TAF4B: variants seen among roughly 807,000 people sequenced by gnomAD.
TAF4B encodes transcription initiation factor TFIID subunit 4B.
A neutral mutation model predicts 86.4 loss-of-function variants in TAF4B; 38 were observed. The ratio of observed to expected loss-of-function variants is 0.44; its 90% CI spans 0.34 to 0.58. The LOEUF (loss-of-function observed/expected upper bound fraction) is 0.58. Among genes scored for constraint, TAF4B ranks in the 20% least tolerant of loss-of-function variants. TAF4B has a pLI of 0.02. For synonymous variants in TAF4B, 388 were observed against 391.2 expected, an observed-to-expected ratio of 0.99 and a Z score of 0.10; for missense variants, 988 against 1,027.6, an observed-to-expected ratio of 0.96 and a Z score of 0.53.
At chr18:26,256,434 C>T (rs558953507) in intron 1 of TAF4B, 1 of 803,386 alleles carries the variant, frequency 1.2e-6, no homozygotes, top group African/African-American at 1.7e-5. Flanking sequence ...GAGTGCACGC[C>T]AGGCCAGTCC....
At position 26,370,574 on chromosome 18, in the gene TAF4B, C is replaced by T. The variant is rs137959842; in HGVS notation, c.2421+12780C>T. Among the ~76,000 whole-genome samples, 13 of 152,288 alleles carry T rather than the reference C, an allele frequency of 8.5e-5. No homozygotes were observed. In the East Asian group the frequency reaches 2.3e-3, roughly 27 times the overall value. ...ACTGATCTTCCTCAGGACCTATCCT[C>T]ACCACCTCTCATTGCTTCTATACCT... On this transcript the variant is annotated intron_variant, in intron 14 of 14. Coordinates refer to ENST00000269142, the MANE Select transcript of TAF4B (RefSeq NM_005640.3).
chr18:26,366,879 A>G (rs1034091922), intron 14 of TAF4B, among the ~76,000 whole-genome samples: 5 of 152,208 alleles, frequency 3.3e-5, no homozygotes, highest in Non-Finnish European at 7.3e-5. Context: ...GTTTAGCTTT[A>G]TCAAGCAATT....
At chr18:26,379,577 A>G (rs1017707082) in intron 14 of TAF4B, among the ~76,000 whole-genome samples, 8 of 152,182 alleles carry the variant, frequency 5.3e-5, no homozygotes, top group Admixed American at 6.5e-5. Flanking sequence ...CCATACTACA[A>G]TCTCTCTTGA....
At chr18:26,254,204 A>G (rs1283548209) in intron 1 of TAF4B, among the ~76,000 whole-genome samples, 1 of 152,080 alleles carries the variant, frequency 6.6e-6, no homozygotes, top group East Asian at 1.9e-4. Flanking sequence ...CTGGGATTAC[A>G]GGCCTGAGCC....
intron 14 of TAF4B, among the ~76,000 whole-genome samples, chr18:26,375,655 T>C (rs1272028207): frequency 2.6e-5 from 4 of 152,216 alleles, no homozygotes; most frequent in Non-Finnish European, 5.9e-5. Context: ...TCCTGAAGAC[T>C]AATGATGTTG....
At chr18:26,324,920 A>C (rs2056992259) in intron 11 of TAF4B, among the ~76,000 whole-genome samples, 1 of 151,472 alleles carries the variant, frequency 6.6e-6, no homozygotes, top group Non-Finnish European at 1.5e-5. Flanking sequence ...CTTATATTTC[A>C]GTTCATCCCT....
At chr18:26,306,493 A>G (rs1025403130) in intron 9 of TAF4B, among the ~76,000 whole-genome samples, 1 of 152,214 alleles carries the variant, frequency 6.6e-6, no homozygotes, top group Non-Finnish European at 1.5e-5. Flanking sequence ...GAAAGCTTAC[A>G]ATGATTGTTT....
At chr18:26,297,701 AG>A (rs1478835230) in intron 9 of TAF4B, among the ~76,000 whole-genome samples, 1 of 152,146 alleles carries the variant, frequency 6.6e-6, no homozygotes, top group Non-Finnish European at 1.5e-5. Flanking sequence ...TTTATTATAC[AG>A]GTATATTGCT....
At chr18:26,237,718 T>C (rs1461014993) in intron 1 of TAF4B, among the ~76,000 whole-genome samples, 1 of 152,160 alleles carries the variant, frequency 6.6e-6, no homozygotes, top group Non-Finnish European at 1.5e-5. Context: ...CCTTCCCTCT[T>C]ACAGAAAAGG....
At position 26,256,232 on chromosome 18, in the gene TAF4B, A is replaced by G. The variant is rs1598730735; in HGVS notation, c.344-8938A>G. The G allele has an allele frequency of 3.1e-6, 5 of 1,587,338 alleles. No individual in the cohort carries two copies. In the East Asian group the frequency reaches 1.1e-4, roughly 35 times the overall value. On this transcript the variant is annotated intron_variant, in intron 1 of 14. Coordinates refer to ENST00000269142, the MANE Select transcript of TAF4B (RefSeq NM_005640.3). ...CTCCTGAAGGAGTCTCATGCAATCC[A>G]GAACAGCTGTGGAAGTCCTTTTCAT...
chr18:26,289,382 G>T (rs978671376), intron 7 of TAF4B, among the ~76,000 whole-genome samples: 1 of 152,076 alleles, frequency 6.6e-6, no homozygotes. Flanking sequence ...AACTCCATAT[G>T]GTCTGAAGAA....
intron 1 of TAF4B, among the ~76,000 whole-genome samples, chr18:26,246,540 G>T (rs7245166): frequency 0.64 from 96,203 of 149,750 alleles, 32,693 homozygotes; most frequent in African/African-American, 0.86. Flanking sequence ...TGTTTTTGTG[G>T]TTTTTTTTTT....
At chr18:26,316,046 T>C (rs546837972) in intron 10 of TAF4B, among the ~76,000 whole-genome samples, 1 of 152,148 alleles carries the variant, frequency 6.6e-6, no homozygotes, top group East Asian at 1.9e-4. Context: ...GTACTAAAAA[T>C]ACAGAAAATT....
intron 11 of TAF4B, among the ~76,000 whole-genome samples, chr18:26,321,716 C>T (rs935021392): frequency 2.0e-5 from 3 of 152,070 alleles, no homozygotes; most frequent in Admixed American, 2.0e-4. Flanking sequence ...CAAATCTACC[C>T]ATTTTCTCCC....
intron 6 of TAF4B, among the ~76,000 whole-genome samples, chr18:26,285,094 G>T (rs566351096): frequency 6.6e-6 from 1 of 150,814 alleles, no homozygotes; most frequent in African/African-American, 2.4e-5. Context: ...CAGCCCCTGC[G>T]GTAGCTGGGA....
chr18:26,363,944 G>A (rs947395697), intron 14 of TAF4B, among the ~76,000 whole-genome samples: 2 of 152,102 alleles, frequency 1.3e-5, no homozygotes, highest in African/African-American at 2.4e-5. Flanking sequence ...TAGAATGATG[G>A]TAGTTTTTAA....
intron 12 of TAF4B, among the ~76,000 whole-genome samples, chr18:26,332,695 A>G (rs2057060203): frequency 6.6e-6 from 1 of 151,928 alleles, no homozygotes; most frequent in Non-Finnish European, 1.5e-5. Flanking sequence ...ATGCCTGGCT[A>G]CTTTTTGCAT....
intron 9 of TAF4B, among the ~76,000 whole-genome samples, chr18:26,310,998 C>A (rs375423957): frequency 4.0e-5 from 6 of 151,612 alleles, no homozygotes; most frequent in African/African-American, 1.2e-4. Context: ...GAGATTGTCT[C>A]ATCAGTACAT....
At chr18:26,228,139 C>T (rs2055608011) in intron 1 of TAF4B, among the ~76,000 whole-genome samples, 1 of 152,118 alleles carries the variant, frequency 6.6e-6, no homozygotes, top group South Asian at 2.1e-4. Context: ...AAAGGTTTTG[C>T]TTTGTGATAA....
Sources: gnomAD v4.1 joint callset for allele counts (sites outside exome capture counted in the v4.1 genomes callset) on GRCh38, gnomAD v4.1.1 for gene constraint, MANE v1.5 for transcripts, NCBI Gene and HGNC (gene_info 2026-07-23, HGNC 2026-07-21) for gene names.